BRINP3: variants seen among roughly 807,000 people sequenced by gnomAD.
BRINP3 encodes BMP/retinoic acid inducible neural specific 3.
A neutral mutation model predicts 71.0 loss-of-function variants in BRINP3; 19 were observed. The ratio of observed to expected loss-of-function variants is 0.27; its 90% CI spans 0.19 to 0.39. The LOEUF (loss-of-function observed/expected upper bound fraction) is 0.39, where lower values mean the gene tolerates loss of function less well. BRINP3 is among the 10% of genes least tolerant of loss of function. BRINP3 has a pLI of 1.00. For synonymous variants in BRINP3, 380 were observed against 337.7 expected, an observed-to-expected ratio of 1.13 and a Z score of -1.37; for missense variants, 959 against 940.8, an observed-to-expected ratio of 1.02 and a Z score of -0.25.
At chr1:190,383,105 C>T (rs542310397) in intron 2 of BRINP3, among the ~76,000 whole-genome samples, 1 of 152,034 alleles carries the variant, frequency 6.6e-6, no homozygotes, top group African/African-American at 2.4e-5. Flanking sequence ...TATTTTTTTT[C>T]CTCCCTATTC....
intron 2 of BRINP3, among the ~76,000 whole-genome samples, chr1:190,313,358 G>A (rs1483704053): frequency 1.3e-5 from 2 of 151,940 alleles, no homozygotes; most frequent in African/African-American, 2.4e-5. Flanking sequence ...AGATGATACA[G>A]GAAGAAGAAA....
rs867455662 is a variant in BRINP3, at chr1:190,292,678, A to G, written c.237-10928T>C. ...TAAATAAATAAATAAACAGAAGAGT[A>G]AAGTCTATTTTTGATGGGAGAAATT... On this transcript the variant is annotated intron_variant, in intron 2 of 7. Transcript: ENST00000367462. Among the ~76,000 whole-genome samples, 5 of 152,234 alleles carry G rather than the reference A, an allele frequency of 3.3e-5. No individual in the cohort carries two copies. The South Asian group carries it at 1.0e-3, about 32-fold the overall frequency.
intron 2 of BRINP3, among the ~76,000 whole-genome samples, chr1:190,301,026 T>C (rs1169929713): frequency 5.3e-5 from 8 of 151,582 alleles, no homozygotes; most frequent in Admixed American, 4.6e-4. Context: ...TTGAAAACTT[T>C]GAAAAAAATT....
chr1:190,101,774 G>T lies in BRINP3; in HGVS notation c.1185-2640C>A, dbSNP rs541258434. ...CTCTAATCATGTTTCCAAATCATAA[G>T]AAGAAAACAAAAAATGAAATTAATA... On this transcript the variant is annotated intron_variant, in intron 7 of 7. Coordinates refer to ENST00000367462, the MANE Select transcript of BRINP3 (RefSeq NM_199051.3). 2.0e-5 allele frequency among the ~76,000 whole-genome samples: 3 copies of T among 152,186 alleles called. No individual in the cohort carries two copies. In the South Asian group the frequency reaches 6.2e-4, roughly 32 times the overall value.
chr1:190,371,301 A>T (rs1310986334), intron 2 of BRINP3, among the ~76,000 whole-genome samples: 1 of 152,186 alleles, frequency 6.6e-6, no homozygotes, highest in Non-Finnish European at 1.5e-5. Flanking sequence ...TAGTTTTAAA[A>T]TTTCAATTGT....
chr1:190,103,805 A>G (rs12728994), intron 7 of BRINP3, among the ~76,000 whole-genome samples: 27,625 of 151,882 alleles, frequency 0.18, 2,662 homozygotes, highest in South Asian at 0.25. Flanking sequence ...TTTACACATA[A>G]GAAGAATAAG....
intron 5 of BRINP3, among the ~76,000 whole-genome samples, chr1:190,229,006 T>G (rs1657678813): frequency 1.3e-5 from 2 of 152,020 alleles, no homozygotes; most frequent in Non-Finnish European, 2.9e-5. Context: ...TAGTTTGTTT[T>G]CAACCCACCT....
At chr1:190,228,262 C>T (rs1472581533) in intron 5 of BRINP3, among the ~76,000 whole-genome samples, 2 of 151,274 alleles carry the variant, frequency 1.3e-5, no homozygotes, top group South Asian at 2.1e-4. Flanking sequence ...TTGAATAATT[C>T]AGAGTCTTTG....
At chr1:190,369,756 G>A (rs1355537149) in intron 2 of BRINP3, among the ~76,000 whole-genome samples, 6 of 151,818 alleles carry the variant, frequency 4.0e-5, no homozygotes, top group East Asian at 3.9e-4. Context: ...GTTTTATAAC[G>A]ACTATGAACT....
chr1:190,161,734 A>T (rs552699295), intron 6 of BRINP3, among the ~76,000 whole-genome samples: 1 of 152,148 alleles, frequency 6.6e-6, no homozygotes, highest in Non-Finnish European at 1.5e-5. Flanking sequence ...GGAAACAACT[A>T]GACGGTTAAT....
At chr1:190,111,266 C>T (rs907968446) in intron 7 of BRINP3, among the ~76,000 whole-genome samples, 4 of 149,820 alleles carry the variant, frequency 2.7e-5, no homozygotes, top group Non-Finnish European at 5.9e-5. Context: ...ATGGTAATCA[C>T]CTCCTTATTT....
At chr1:190,192,982 C>G (rs1233910073) in intron 6 of BRINP3, among the ~76,000 whole-genome samples, 1 of 152,080 alleles carries the variant, frequency 6.6e-6, no homozygotes, top group Non-Finnish European at 1.5e-5. Flanking sequence ...TTATGCCCCT[C>G]AAAACATGTC....
intron 7 of BRINP3, among the ~76,000 whole-genome samples, chr1:190,125,678 G>A (rs925070551): frequency 2.6e-5 from 4 of 152,094 alleles, no homozygotes; most frequent in South Asian, 2.1e-4. Flanking sequence ...TGTGTTAATA[G>A]TCATCTTCCT....
chr1:190,472,900 C>A (rs1677231743), intron 1 of BRINP3, among the ~76,000 whole-genome samples: 1 of 151,264 alleles, frequency 6.6e-6, no homozygotes, highest in Non-Finnish European at 1.5e-5. Flanking sequence ...TGTACAATAA[C>A]TTTGCATGGA....
At chr1:190,185,301 A>T (rs1012776360) in intron 6 of BRINP3, among the ~76,000 whole-genome samples, 3 of 152,140 alleles carry the variant, frequency 2.0e-5, no homozygotes, top group African/African-American at 7.2e-5. Flanking sequence ...ACTCGAATAG[A>T]TATTTCTCCA....
intron 7 of BRINP3, among the ~76,000 whole-genome samples, chr1:190,157,468 A>T (rs568262713): frequency 3.9e-5 from 6 of 152,146 alleles, no homozygotes; most frequent in Admixed American, 3.9e-4. Context: ...CTTCAGACAT[A>T]CATATCCAGC....
chr1:190,327,872 G>A (rs544278324), intron 2 of BRINP3, among the ~76,000 whole-genome samples: 2 of 152,124 alleles, frequency 1.3e-5, no homozygotes, highest in Non-Finnish European at 2.9e-5. Context: ...TGCACATTTA[G>A]CATACTCAAA....
chr1:190,115,456 T>A (rs1653048556), intron 7 of BRINP3, among the ~76,000 whole-genome samples: 1 of 152,140 alleles, frequency 6.6e-6, no homozygotes, highest in Non-Finnish European at 1.5e-5. Context: ...ATACAGCAAA[T>A]GAGAAGAGCA....
Position 190,225,514 on chromosome 1 carries a change from A to G in BRINP3, c.961+568T>C, listed in dbSNP as rs74596487. 4.1e-3 allele frequency among the ~76,000 whole-genome samples: 620 copies of G among 152,064 alleles called. 7 individuals are homozygous for G. The highest frequency in any genetic ancestry group is 0.014 in the African/African-American group (594 of 41,548). ...GGGGCTGGGAGAAAATGCAGGGAAA[A>G]TAAAAGAATAAAAATGTATTTATTA... On this transcript the variant is annotated intron_variant, in intron 6 of 7. Coordinates refer to ENST00000367462, the MANE Select transcript of BRINP3 (RefSeq NM_199051.3).
Sources: gnomAD v4.1 joint callset for allele counts (sites outside exome capture counted in the v4.1 genomes callset) on GRCh38, gnomAD v4.1.1 for gene constraint, MANE v1.5 for transcripts, NCBI Gene and HGNC (gene_info 2026-07-23, HGNC 2026-07-21) for gene names.